The following TENT5D variants were observed in gnomAD, a reference collection of about 807,000 sequenced individuals.
The protein encoded by TENT5D is cancer/testis antigen 112.
For missense variants in TENT5D, 191 were observed against 287.0 expected (o/e 0.67, Z 2.42); for synonymous variants, 103 against 100.6 (o/e 1.02, Z -0.15).
At chrX:80,381,081 A>G (rs113625445) in intron 3 of TENT5D, among the ~76,000 whole-genome samples, 120 of 111,726 alleles carry the variant, frequency 1.1e-3, no homozygotes, top group African/African-American at 3.8e-3. Context: ...TGGCATGTTT[A>G]TGGAGTAGTT....
intron 3 of TENT5D, among the ~76,000 whole-genome samples, chrX:80,368,364 G>C (rs1930550961): frequency 9.0e-6 from 1 of 111,153 alleles, no homozygotes; most frequent in South Asian, 3.7e-4. Flanking sequence ...TCAATCATAG[G>C]AACCTTTTAT....
intron 3 of TENT5D, among the ~76,000 whole-genome samples, chrX:80,395,854 C>T (rs1032857349): frequency 1.9e-5 from 2 of 104,592 alleles, no homozygotes; most frequent in Middle Eastern, 4.7e-3. Flanking sequence ...CCTCACTTCC[C>T]CCTACTCTTC....
chrX:80,383,778 C>G (rs950780523), intron 3 of TENT5D, among the ~76,000 whole-genome samples: 3 of 111,282 alleles, frequency 2.7e-5, no homozygotes, highest in African/African-American at 9.8e-5. Flanking sequence ...ATGGCGTGAA[C>G]CCGGGAGGTG....
exon 3 of TENT5D, chrX:80,442,672 C>G: frequency 8.3e-7 from 1 of 1,210,723 alleles, no homozygotes; most frequent in Non-Finnish European, 1.1e-6. Context: ...AGACATCATT[C>G]ATGTTGTGAA....
At chrX:80,434,514 A>G (rs1343457140) in intron 1 of TENT5D, among the ~76,000 whole-genome samples, 1 of 111,859 alleles carries the variant, frequency 8.9e-6, no homozygotes, top group East Asian at 2.8e-4. Context: ...AAGCTTCACA[A>G]TTATCTGAGG....
At chrX:80,379,189 C>A (rs1176554341) in intron 3 of TENT5D, among the ~76,000 whole-genome samples, 1 of 104,393 alleles carries the variant, frequency 9.6e-6, no homozygotes, top group Non-Finnish European at 2.0e-5. Flanking sequence ...TTCCATTCTG[C>A]ATTCTATTGA....
At chrX:80,424,161 C>T (rs1931942925) in intron 1 of TENT5D, among the ~76,000 whole-genome samples, 1 of 110,485 alleles carries the variant, frequency 9.1e-6, no homozygotes. Flanking sequence ...TTGGGGCTGG[C>T]TTAAGGGTCC....
chrX:80,337,799 G>A (rs1047082090), intron 2 of TENT5D, among the ~76,000 whole-genome samples: 3 of 109,208 alleles, frequency 2.7e-5, no homozygotes, highest in Admixed American at 9.7e-5. Flanking sequence ...TTGGAGTCTC[G>A]CTCTGTTGCC....
At chrX:80,436,498 C>T (rs962570870) in intron 1 of TENT5D, among the ~76,000 whole-genome samples, 9 of 110,422 alleles carry the variant, frequency 8.2e-5, no homozygotes, top group South Asian at 3.9e-4. Flanking sequence ...CCCATCAACC[C>T]GTCATCTACA....
At chrX:80,366,208 A>AGTGT (rs3087109) in intron 3 of TENT5D, among the ~76,000 whole-genome samples, 50,262 of 98,020 alleles carry the variant, frequency 0.51, 10,599 homozygotes, top group Non-Finnish European at 0.63. Context: ...GAAGACAGGG[A>AGTGT]GTGTGTGTGT....
At chrX:80,402,344 AAACT>A (rs1487528293) in intron 3 of TENT5D, among the ~76,000 whole-genome samples, 1 of 111,348 alleles carries the variant, frequency 9.0e-6, no homozygotes, top group Non-Finnish European at 1.9e-5. Context: ...TCTTTTCAAT[AAACT>A]AACTCAGTTT....
chrX:80,404,964 A>G (rs1424058208), intron 3 of TENT5D, among the ~76,000 whole-genome samples: 2 of 112,359 alleles, frequency 1.8e-5, no homozygotes, highest in African/African-American at 6.5e-5. Flanking sequence ...AGGCAAAAGA[A>G]AAGACCTTCT....
intron 1 of TENT5D, among the ~76,000 whole-genome samples, chrX:80,435,430 T>G (rs889003285): frequency 8.9e-6 from 1 of 112,210 alleles, no homozygotes; most frequent in African/African-American, 3.2e-5. Context: ...AAAACCGTTT[T>G]CATTTAAATT....
At chrX:80,358,250 C>A (rs1930329633) in intron 3 of TENT5D, among the ~76,000 whole-genome samples, 1 of 111,114 alleles carries the variant, frequency 9.0e-6, no homozygotes. Flanking sequence ...AGGACATAGG[C>A]ATGGGCAAGG....
At chrX:80,365,100 CT>C (rs1425887587) in intron 3 of TENT5D, among the ~76,000 whole-genome samples, 1 of 110,717 alleles carries the variant, frequency 9.0e-6, no homozygotes, top group Non-Finnish European at 1.9e-5. Flanking sequence ...TCCAGAGTCT[CT>C]GGTAATGACA....
At chrX:80,407,491 A>G (rs1170375878) in intron 3 of TENT5D, among the ~76,000 whole-genome samples, 71 of 108,856 alleles carry the variant, frequency 6.5e-4, no homozygotes, top group African/African-American at 2.2e-3. Context: ...ACAAAAATCA[A>G]AAGAGACAAA....
chrX:80,367,472 C>A (rs1330377597), intron 3 of TENT5D, among the ~76,000 whole-genome samples: 1 of 111,293 alleles, frequency 9.0e-6, no homozygotes, highest in East Asian at 2.8e-4. Context: ...ACCATACAAT[C>A]CAGCAATCTC....
At chrX:80,430,132 T>C (rs1276549619) in intron 1 of TENT5D, among the ~76,000 whole-genome samples, 1 of 111,435 alleles carries the variant, frequency 9.0e-6, no homozygotes, top group African/African-American at 3.3e-5. Flanking sequence ...AGGATTTGGC[T>C]AGGAGTAAAA....
At chrX:80,339,901 C>T (rs1480026271) in intron 2 of TENT5D, among the ~76,000 whole-genome samples, 1 of 102,580 alleles carries the variant, frequency 9.7e-6, no homozygotes, top group South Asian at 4.4e-4. Flanking sequence ...AGAGAGTTAT[C>T]AAAAAGATTG....
Sources: allele counts gnomAD v4.1 joint callset (sites outside exome capture counted in the v4.1 genomes callset), GRCh38; gene constraint gnomAD v4.1.1; transcripts MANE v1.5; gene names NCBI Gene and HGNC (gene_info 2026-07-23, HGNC 2026-07-21).